INTU: variants seen among roughly 807,000 people sequenced by gnomAD.
INTU encodes inturned planar cell polarity protein.
A neutral mutation model predicts 100.5 loss-of-function variants in INTU; 68 were observed. The observed-to-expected ratio is 0.68, with a 90% CI of 0.56 to 0.83. INTU has a LOEUF of 0.83. Among genes scored for constraint, INTU ranks in the 40% least tolerant of loss-of-function variants. The pLI, the probability that INTU is intolerant of heterozygous loss-of-function variation, is 0.00. For synonymous variants in INTU, 357 were observed against 395.7 expected (o/e 0.90, Z 1.16); for missense variants, 1,071 against 1,114.7 (o/e 0.96, Z 0.56).
intron 6 of INTU, among the ~76,000 whole-genome samples, chr4:127,680,716 G>A (rs963443329): frequency 0.066 from 9,704 of 146,480 alleles, 412 homozygotes; most frequent in Non-Finnish European, 0.081. Flanking sequence ...GTCTCTCACC[G>A]CTCCTATTCA....
chr4:127,661,536 C>G (rs772098750), intron 3 of INTU, among the ~76,000 whole-genome samples: 3 of 152,090 alleles, frequency 2.0e-5, no homozygotes, highest in Non-Finnish European at 4.4e-5. Context: ...ACACCTGCTT[C>G]CCTAGGATGT....
At position 127,708,585 on chromosome 4, in the gene INTU, G is replaced by T. The variant is rs776075108; in HGVS notation, c.2286G>T (p.Lys762Asn). 2 of 1,586,076 alleles carry T rather than the reference G, an allele frequency of 1.3e-6. No individual in the cohort carries two copies. The highest frequency in any genetic ancestry group is 1.7e-6 in the Non-Finnish European group (2 of 1,159,534). The change falls in exon 13 of 16, where the codon AAG becomes AAT. Residue 762 changes from lysine (K) to asparagine (N), a missense_variant. By Grantham distance (94) the Lys-to-Asn change is moderately conservative. Coordinates refer to ENST00000335251, the MANE Select transcript of INTU (RefSeq NM_015693.4). ...ATATTTTTCAGGTCACTAAAAAGAAGTCTACTCTTCCAAATCCATTTCATT... is the reference window on the plus strand; with the variant it reads ...ATATTTTTCAGGTCACTAAAAAGAATTCTACTCTTCCAAATCCATTTCATT... ...SGTLLKVTKK[K>N]STLPNPFHLG... is the part of the protein sequence containing the mutation.
intron 6 of INTU, among the ~76,000 whole-genome samples, chr4:127,680,292 A>G (rs1379900025): frequency 6.6e-6 from 1 of 151,878 alleles, no homozygotes; most frequent in Non-Finnish European, 1.5e-5. Context: ...CCTGGCAGAG[A>G]CACAACCAAA....
rs1485744616 is a variant in INTU, at chr4:127,718,038, G to T, written c.*1602G>T. 1 of 152,028 alleles carries T rather than the reference G, an allele frequency of 6.6e-6. No homozygotes were observed. Among genetic ancestry groups the T allele is most frequent in the Non-Finnish European group, 1.5e-5 (1 of 67,992 alleles). The allele number at this position is 152,028 out of a possible 1,614,324, so 9.4% of individuals were successfully genotyped here. The stretch of plus-strand genomic sequence containing the variant: ...TTGCTTTTGTTGCAGTTGCTTTTGT[G>T]ATTTCATCATGAAATCTTTGCCCAT... On this transcript the variant is annotated 3_prime_UTR_variant, in exon 16 of 16. Transcript: ENST00000335251.
intron 8 of INTU, chr4:127,699,173 A>G (rs1196307084): frequency 1.3e-5 from 2 of 152,244 alleles, no homozygotes; most frequent in South Asian, 2.1e-4. Flanking sequence ...CATCTCAAAA[A>G]AAAGGGATTC....
chr4:127,694,190 T>C (rs1167190428), intron 8 of INTU, among the ~76,000 whole-genome samples: 1 of 152,106 alleles, frequency 6.6e-6, no homozygotes, highest in East Asian at 1.9e-4. Flanking sequence ...TCTGTGAGTC[T>C]GTCTGGTCCT....
chr4:127,653,519 T>C (rs1728010566), intron 2 of INTU, among the ~76,000 whole-genome samples: 2 of 152,086 alleles, frequency 1.3e-5, no homozygotes, highest in African/African-American at 2.4e-5. Flanking sequence ...AGTTTCCATG[T>C]AGTTGAGCAG....
chr4:127,649,638 T>G (rs1378211120), intron 2 of INTU, among the ~76,000 whole-genome samples: 1 of 152,130 alleles, frequency 6.6e-6, no homozygotes, highest in Non-Finnish European at 1.5e-5. Flanking sequence ...TTTTGGATTT[T>G]GGAGGATTTT....
At chr4:127,707,276 G>A (rs1404245408) in intron 12 of INTU, among the ~76,000 whole-genome samples, 1 of 151,470 alleles carries the variant, frequency 6.6e-6, no homozygotes, top group East Asian at 1.9e-4. Context: ...CAGATGCATC[G>A]GGAGGCTGAG....
At chr4:127,704,367 A>G in intron 10 of INTU, 77 bp downstream of exon 10, 1 of 1,027,590 alleles carries the variant, frequency 9.7e-7, no homozygotes, top group South Asian at 1.4e-5. Context: ...TACAAACATG[A>G]AAAATACATT....
intron 4 of INTU, among the ~76,000 whole-genome samples, chr4:127,667,760 A>G (rs1728758754): frequency 6.6e-6 from 1 of 152,110 alleles, no homozygotes; most frequent in African/African-American, 2.4e-5. Context: ...TTTTTACACT[A>G]GAATTACTGC....
intron 1 of INTU, among the ~76,000 whole-genome samples, chr4:127,635,692 A>G (rs1727036654): frequency 6.6e-6 from 1 of 152,224 alleles, no homozygotes; most frequent in African/African-American, 2.4e-5. Flanking sequence ...ATATACAAAA[A>G]ACTGCACATA....
intron 5 of INTU, among the ~76,000 whole-genome samples, chr4:127,671,550 A>G (rs187175704): frequency 6.6e-6 from 1 of 152,210 alleles, no homozygotes; most frequent in East Asian, 1.9e-4. Flanking sequence ...AGAAAACAGT[A>G]TGGAGATTTC....
Position 127,642,123 on chromosome 4 carries a change from A to T in INTU, c.147-1398A>T, listed in dbSNP as rs562416712. ...ATTAAGGTAGCTTTGTTACTAAATG[A>T]TTATGGTGGGGATATAGTTATTTAG... is the stretch of plus-strand genomic sequence containing the variant. On this transcript the variant is annotated intron_variant, in intron 1 of 15. Transcript: ENST00000335251. Among the ~76,000 whole-genome samples, 4 of 152,274 alleles carry T rather than the reference A, an allele frequency of 2.6e-5. No homozygotes were observed. The South Asian group carries it at 6.2e-4, about 24-fold the overall frequency.
intron 8 of INTU, among the ~76,000 whole-genome samples, chr4:127,689,210 CT>C (rs1437504116): frequency 1.3e-5 from 2 of 152,022 alleles, no homozygotes; most frequent in Non-Finnish European, 2.9e-5. Flanking sequence ...TCTCGAACTC[CT>C]GAGCTCAAGC....
Position 127,674,281 on chromosome 4 carries a change from A to G in INTU, c.1181+68A>G, listed in dbSNP as rs896131506. Reference sequence around the variant, plus strand: ...TGTTAACTTTTGTTTTGTTAAAATTATTACATTTTTGTCAAAAGACAAACT... The same window carrying G: ...TGTTAACTTTTGTTTTGTTAAAATTGTTACATTTTTGTCAAAAGACAAACT... On this transcript the variant is annotated intron_variant, in intron 6 of 15. Transcript: ENST00000335251. The G allele has an allele frequency of 3.2e-6, 4 of 1,264,726 alleles. No individual in the cohort carries two copies. In the African/African-American group the frequency reaches 6.0e-5, roughly 19 times the overall value. The allele number at this position is 1,264,726 out of a possible 1,614,324, so 78.3% of individuals were successfully genotyped here. A position where few individuals can be genotyped will look rare whatever the true frequency, so the allele number is the denominator to read the frequency against.
chr4:127,684,513 A>G, intron 7 of INTU, 27 bp downstream of exon 7: 1 of 1,260,714 alleles, frequency 7.9e-7, no homozygotes, highest in Non-Finnish European at 1.1e-6. Context: ...ATTGAATCTC[A>G]AGTTTTAATT....
intron 2 of INTU, among the ~76,000 whole-genome samples, chr4:127,651,450 T>A (rs1331556700): frequency 6.6e-6 from 1 of 152,260 alleles, no homozygotes; most frequent in Non-Finnish European, 1.5e-5. Flanking sequence ...TAGCCAGTTA[T>A]CCCAGCACCA....
intron 6 of INTU, among the ~76,000 whole-genome samples, chr4:127,674,464 G>C (rs1019065946): frequency 2.0e-5 from 3 of 152,216 alleles, no homozygotes; most frequent in African/African-American, 7.2e-5. Context: ...GTGGTCAATA[G>C]AGAGGTGGCT....
Sources: gnomAD v4.1 joint callset for allele counts (sites outside exome capture counted in the v4.1 genomes callset) on GRCh38, gnomAD v4.1.1 for gene constraint, MANE v1.5 for transcripts, NCBI Gene and HGNC (gene_info 2026-07-23, HGNC 2026-07-21) for gene names.